LRRC49: variants seen among roughly 807,000 people sequenced by gnomAD.
The protein encoded by LRRC49 is leucine rich repeat containing 49.
In LRRC49, 50 loss-of-function variants were observed where a neutral mutation model predicts 83.3. The ratio of observed to expected loss-of-function variants is 0.60; its 90% CI spans 0.48 to 0.76. LRRC49 has a LOEUF of 0.76. Among genes scored for constraint, LRRC49 ranks in the 30% least tolerant of loss-of-function variants. The pLI is 0.00. For missense variants in LRRC49, 704 were observed against 809.1 expected (o/e 0.87, Z 1.58); for synonymous variants, 286 against 283.3 (o/e 1.01, Z -0.10).
intron 13 of LRRC49, among the ~76,000 whole-genome samples, chr15:71,010,867 G>A (rs1325947374): frequency 6.6e-6 from 1 of 151,930 alleles, no homozygotes; most frequent in East Asian, 1.9e-4. Context: ...TTGAAATTCA[G>A]AAGACCTCTT....
At chr15:70,913,827 T>G (rs2034650152) in intron 6 of LRRC49, among the ~76,000 whole-genome samples, 2 of 152,196 alleles carry the variant, frequency 1.3e-5, no homozygotes, top group South Asian at 4.1e-4. Flanking sequence ...TTTAAGAGTT[T>G]GTGAGTACTA....
intron 11 of LRRC49, among the ~76,000 whole-genome samples, chr15:70,994,122 C>T (rs150962349): frequency 6.6e-6 from 1 of 152,322 alleles, no homozygotes; most frequent in East Asian, 1.9e-4. Flanking sequence ...GCTAGGATTA[C>T]AGGCTTGAGC....
chr15:70,913,880 T>A (rs1219546695), intron 6 of LRRC49, among the ~76,000 whole-genome samples: 1 of 152,142 alleles, frequency 6.6e-6, no homozygotes, highest in African/African-American at 2.4e-5. Context: ...TACCATATCA[T>A]TTGATCTGTA....
intron 1 of LRRC49, among the ~76,000 whole-genome samples, chr15:70,872,128 C>A (rs1484082525): frequency 6.6e-6 from 1 of 152,234 alleles, no homozygotes. Context: ...GTGAGCAAGA[C>A]TCCGTCTGCA....
intron 1 of LRRC49, among the ~76,000 whole-genome samples, chr15:70,871,583 C>G (rs895811285): frequency 1.3e-5 from 2 of 151,316 alleles, no homozygotes; most frequent in Non-Finnish European, 2.9e-5. Context: ...GCGGGGGCTG[C>G]CCCCCACCTC....
chr15:70,890,759 T>C (rs1567037117), upstream of LRRC49, among the ~76,000 whole-genome samples: 2 of 152,164 alleles, frequency 1.3e-5, no homozygotes, highest in Non-Finnish European at 2.9e-5. Context: ...TCCAGGATAT[T>C]ATAATACATG....
intron 6 of LRRC49, among the ~76,000 whole-genome samples, chr15:70,915,784 T>C (rs1401681362): frequency 6.6e-6 from 1 of 152,208 alleles, no homozygotes; most frequent in Non-Finnish European, 1.5e-5. Context: ...TTTTATATAA[T>C]TTTATCTTTA....
intron 11 of LRRC49, among the ~76,000 whole-genome samples, chr15:71,001,395 T>G (rs2038248730): frequency 6.6e-6 from 1 of 152,184 alleles, no homozygotes; most frequent in African/African-American, 2.4e-5. Flanking sequence ...CACTTCTCAT[T>G]CCCATCCTCC....
intron 9 of LRRC49, among the ~76,000 whole-genome samples, chr15:70,972,504 G>T (rs566019772): frequency 1.3e-5 from 2 of 152,122 alleles, no homozygotes; most frequent in Admixed American, 1.3e-4. Context: ...GGTGTTCTCC[G>T]TATTTCCTGA....
chr15:70,885,300 C>T (rs2033376915), intron 2 of LRRC49, among the ~76,000 whole-genome samples: 1 of 152,064 alleles, frequency 6.6e-6, no homozygotes, highest in East Asian at 1.9e-4. Flanking sequence ...TAAAATGGGG[C>T]AGACGCAATA....
Position 71,009,947 on chromosome 15 carries a change from G to A in LRRC49, c.1548G>A (p.Leu516=). 1 of 1,608,692 alleles carries A rather than the reference G, an allele frequency of 6.2e-7. No homozygotes were observed. Residue 516 remains leucine, a synonymous_variant, in exon 13 of 16, where the codon CTG becomes CTA. Transcript: ENST00000260382. ...VNFTLWKYYV[L]FRLSHFSMQK... ...TTACACTCTGGAAATACTATGTACT[G>A]TTTAGGCTAAGCCATTTCAGTATGC...
chr15:71,000,239 C>G (rs1172930087), intron 11 of LRRC49, among the ~76,000 whole-genome samples: 1 of 152,124 alleles, frequency 6.6e-6, no homozygotes, highest in Non-Finnish European at 1.5e-5. Context: ...TTGTTCCTAG[C>G]ATATTTGTTG....
intron 8 of LRRC49, among the ~76,000 whole-genome samples, chr15:70,937,496 G>C (rs1276665461): frequency 6.6e-6 from 1 of 152,012 alleles, no homozygotes; most frequent in Non-Finnish European, 1.5e-5. Flanking sequence ...TTTGAACTGG[G>C]CTTTTTAATG....
chr15:70,962,144 A>G (rs937485818), intron 8 of LRRC49, among the ~76,000 whole-genome samples: 2 of 152,190 alleles, frequency 1.3e-5, no homozygotes, highest in Non-Finnish European at 2.9e-5. Context: ...ATACATACAT[A>G]TTGGAATTGA....
At chr15:70,975,968 A>G (rs997531890) in intron 9 of LRRC49, among the ~76,000 whole-genome samples, 2 of 152,208 alleles carry the variant, frequency 1.3e-5, no homozygotes, top group African/African-American at 4.8e-5. Context: ...ATTTAAAAGC[A>G]TGATTCTCAT....
intron 6 of LRRC49, among the ~76,000 whole-genome samples, chr15:70,916,186 C>T (rs1446814543): frequency 6.6e-6 from 1 of 152,152 alleles, no homozygotes; most frequent in Non-Finnish European, 1.5e-5. Flanking sequence ...AATAGTGGGG[C>T]TTAACATCAC....
Position 70,885,871 on chromosome 15 carries a change from A to C in LRRC49, c.19-7713A>C, listed in dbSNP as rs555021538. ...ATAGACATCAGTGGAACACTATCCA[A>C]GTGCAGTACGCACATTCATCTCAAG... On this transcript the variant is annotated intron_variant, in intron 2 of 16. Coordinates refer to the LRRC49 transcript ENST00000544974. Among the ~76,000 whole-genome samples, 8 of 152,328 alleles carry C rather than the reference A, an allele frequency of 5.3e-5. No individual in the cohort carries two copies. The East Asian group carries it at 1.5e-3, about 29-fold the overall frequency.
intron 3 of LRRC49, among the ~76,000 whole-genome samples, chr15:70,897,598 ATGTC>A (rs2033891018): frequency 6.6e-6 from 1 of 152,148 alleles, no homozygotes; most frequent in Non-Finnish European, 1.5e-5. Context: ...AAGTTTAGGG[ATGTC>A]TGTCTAATAA....
At chr15:70,867,846 A>G (rs2032945352) in intron 1 of LRRC49, among the ~76,000 whole-genome samples, 1 of 152,036 alleles carries the variant, frequency 6.6e-6, no homozygotes, top group Non-Finnish European at 1.5e-5. Context: ...TTTCTTTGAG[A>G]TGAGTATTGG....
Sources: gnomAD v4.1 joint callset for allele counts (sites outside exome capture counted in the v4.1 genomes callset) on GRCh38, gnomAD v4.1.1 for gene constraint, MANE v1.5 for transcripts, NCBI Gene and HGNC (gene_info 2026-07-23, HGNC 2026-07-21) for gene names.